ATP6V1C1: variants seen among roughly 807,000 people sequenced by gnomAD.
ATP6V1C1 encodes the protein ATPase H+ transporting V1 subunit C1.
ATP6V1C1 carries 45 observed loss-of-function variants against 53.9 expected under a neutral mutation model. That is an observed-to-expected ratio of 0.83 (90% CI 0.66 to 1.07). The LOEUF (loss-of-function observed/expected upper bound fraction) is 1.07, where lower values mean the gene tolerates loss of function less well. ATP6V1C1 is among the 50% of genes least tolerant of loss of function. ATP6V1C1 has a pLI of 0.00. For synonymous variants in ATP6V1C1, 153 were observed against 155.2 expected (o/e 0.99, Z 0.11); for missense variants, 315 against 440.3 (o/e 0.72, Z 2.55).
intron 3 of ATP6V1C1, among the ~76,000 whole-genome samples, chr8:103,045,984 T>C (rs77182139): frequency 1.3e-5 from 2 of 151,568 alleles, no homozygotes; most frequent in East Asian, 1.9e-4. Context: ...CTTTTTTTTT[T>C]AGTTGTCATC....
chr8:103,066,855 G>A (rs967142765), intron 12 of ATP6V1C1, among the ~76,000 whole-genome samples: 1 of 151,932 alleles, frequency 6.6e-6, no homozygotes, highest in South Asian at 2.1e-4. Context: ...CTAAAATGGC[G>A]TAGCTGGGCG....
chr8:103,060,167 T>A (rs1817372421), intron 8 of ATP6V1C1, among the ~76,000 whole-genome samples: 1 of 151,848 alleles, frequency 6.6e-6, no homozygotes, highest in Non-Finnish European at 1.5e-5. Context: ...GAGGTTTCAC[T>A]ATGTCGGCCA....
At chr8:103,061,527 C>A (rs1018083888) in intron 8 of ATP6V1C1, among the ~76,000 whole-genome samples, 1 of 152,122 alleles carries the variant, frequency 6.6e-6, no homozygotes, top group Non-Finnish European at 1.5e-5. Flanking sequence ...AGAAGTACCA[C>A]ATTGTAAAAC....
chr8:103,048,150 C>A (rs1817137547), intron 3 of ATP6V1C1, among the ~76,000 whole-genome samples: 1 of 152,160 alleles, frequency 6.6e-6, no homozygotes, highest in South Asian at 2.1e-4. Flanking sequence ...TTTGAATAAG[C>A]CACTTATTCT....
Position 103,063,138 on chromosome 8 carries a change from C to T in ATP6V1C1, c.738C>T (p.Phe246=), listed in dbSNP as rs1817432684. The T allele has an allele frequency of 6.2e-7, 1 of 1,612,508 alleles. No individual in the cohort carries two copies. The highest frequency in any genetic ancestry group is 8.5e-7 in the Non-Finnish European group (1 of 1,179,062). The change falls in exon 10 of 13, where the codon TTC becomes TTT. Residue 246 remains phenylalanine (F), a synonymous_variant. Transcript: ENST00000518738. ...GTTTTTTTTCCCCCAAATTTAGATTCATTGTTCGTGACTTCCAGTATAATG... is the reference window on the plus strand; with the variant it reads ...GTTTTTTTTCCCCCAAATTTAGATTTATTGTTCGTGACTTCCAGTATAATG... The part of the protein sequence containing the change: ...DFRHKARENK[F]IVRDFQYNEE...
intron 1 of ATP6V1C1, among the ~76,000 whole-genome samples, chr8:103,040,346 G>A (rs1192350712): frequency 1.3e-5 from 2 of 151,776 alleles, no homozygotes; most frequent in African/African-American, 2.4e-5. Flanking sequence ...CCTGGGAGGC[G>A]GAGGTTGCAG....
chr8:103,055,795 T>G, intron 7 of ATP6V1C1, 73 bp from the exon 8 acceptor site: 2 of 1,396,440 alleles, frequency 1.4e-6, no homozygotes, highest in Non-Finnish European at 2.0e-6. Flanking sequence ...TCTCATAATT[T>G]TTTCTCTTCC....
intron 1 of ATP6V1C1, among the ~76,000 whole-genome samples, chr8:103,022,848 G>GGAC (rs1299560269): frequency 2.0e-5 from 3 of 151,872 alleles, no homozygotes; most frequent in Admixed American, 2.0e-4. Context: ...CAGGAGTTCA[G>GGAC]GACCAGCCTG....
In ATP6V1C1 at chr8:103,053,986, A is replaced by AG; in HGVS notation, c.572+5dup. ...CATTACTGGTAGTAGTTCCCAAGTAAGTCTTTCTATTATAAAAGGTTTTAC... is the reference window on the plus strand; with the variant it reads ...CATTACTGGTAGTAGTTCCCAAGTAAGGTCTTTCTATTATAAAAGGTTTTAC... On this transcript the variant is annotated splice_donor_region_variant and intron_variant, in intron 7 of 12. Transcript: ENST00000518738. 6.3e-7 allele frequency: 1 copy of AG among 1,598,276 alleles called. No individual in the cohort carries two copies. The highest frequency in any genetic ancestry group is 8.5e-7 in the Non-Finnish European group (1 of 1,169,920).
At chr8:103,067,584 CT>C (rs1225695222) in intron 12 of ATP6V1C1, among the ~76,000 whole-genome samples, 1 of 143,576 alleles carries the variant, frequency 7.0e-6, no homozygotes. Flanking sequence ...ACTTGCTACA[CT>C]TTTTTTCTTT....
Position 103,066,465 on chromosome 8 carries a change from C to A in ATP6V1C1, c.1053+18C>A. 2 of 1,529,626 alleles carry A rather than the reference C, an allele frequency of 1.3e-6. No individual in the cohort carries two copies. The highest frequency in any genetic ancestry group is 1.3e-5 in the South Asian group (1 of 77,394). The allele number at this position is 1,529,626 out of a possible 1,614,324, so 94.8% of individuals were successfully genotyped here. A position where few individuals can be genotyped will look rare whatever the true frequency, so the allele number is the denominator to read the frequency against. ...TTATTGATGTAAGTACTTATTAGCCCAGTAGAGTAAGAATTGAAGTGAATT... is the reference window on the plus strand; with the variant it reads ...TTATTGATGTAAGTACTTATTAGCCAAGTAGAGTAAGAATTGAAGTGAATT... On this transcript the variant is annotated intron_variant, in intron 12 of 12. Transcript: ENST00000518738.
At chr8:103,055,771 A>T in intron 7 of ATP6V1C1, 97 bp from the exon 8 acceptor site, 5 of 1,152,482 alleles carry the variant, frequency 4.3e-6, no homozygotes, top group Non-Finnish European at 3.8e-6. Context: ...TACTATAGCC[A>T]GATTTCCTAT....
intron 3 of ATP6V1C1, among the ~76,000 whole-genome samples, chr8:103,047,831 C>T (rs1228847889): frequency 6.6e-6 from 1 of 152,254 alleles, no homozygotes; most frequent in Non-Finnish European, 1.5e-5. Flanking sequence ...TCGCCCTACT[C>T]ATGAGCCTTT....
intron 11 of ATP6V1C1, 37 bp from the exon 12 acceptor site, chr8:103,066,284 G>A: frequency 1.3e-6 from 2 of 1,573,372 alleles, no homozygotes; most frequent in Middle Eastern, 1.7e-4. Flanking sequence ...TTACATGTTT[G>A]CTTGTATTGC....
intron 7 of ATP6V1C1, among the ~76,000 whole-genome samples, chr8:103,054,576 G>C (rs1181066661): frequency 1.3e-5 from 2 of 152,034 alleles, no homozygotes; most frequent in Non-Finnish European, 2.9e-5. Context: ...GCTTGGCTAT[G>C]GGCATAGTTT....
chr8:103,052,752 G>T lies in ATP6V1C1; in HGVS notation c.403G>T (p.Asp135Tyr). 1.3e-6 allele frequency: 2 copies of T among 1,591,742 alleles called. No homozygotes were observed. Among genetic ancestry groups the T allele is most frequent in the South Asian group, 2.3e-5 (2 of 87,746 alleles). Reference protein sequence around the residue: ...IAKGVTQIDNDLKSRASAYNN... With the variant: ...IAKGVTQIDNYLKSRASAYNN... ...AAAGGGAGTAACTCAGATTGATAAT[G>T]ACCTGAAATCTCGAGCATCTGCATA... The change falls in exon 6 of 13, where the codon GAC becomes TAC. Residue 135 changes from aspartate (D) to tyrosine (Y), a missense_variant. Asp to Tyr is a radical substitution (Grantham distance 160). Coordinates refer to ENST00000518738, the MANE Select transcript of ATP6V1C1 (RefSeq NM_001695.5).
At chr8:103,051,275 C>T (rs913988772) in intron 5 of ATP6V1C1, 131 bp downstream of exon 5, 5 of 636,976 alleles carry the variant, frequency 7.8e-6, no homozygotes, top group South Asian at 4.3e-5. Context: ...GAAATCCTTA[C>T]AACTTAGACA....
intron 1 of ATP6V1C1, among the ~76,000 whole-genome samples, chr8:103,038,739 A>G (rs1816942211): frequency 6.6e-6 from 1 of 152,260 alleles, no homozygotes; most frequent in South Asian, 2.1e-4. Flanking sequence ...AGAATATGAT[A>G]GTATAATAGC....
At chr8:103,045,046 C>A (rs1446672755) in intron 3 of ATP6V1C1, among the ~76,000 whole-genome samples, 2 of 152,180 alleles carry the variant, frequency 1.3e-5, no homozygotes, top group African/African-American at 4.8e-5. Flanking sequence ...ACAGTTCCTT[C>A]AACTCTGGGG....
Sources: allele counts gnomAD v4.1 joint callset (sites outside exome capture counted in the v4.1 genomes callset), GRCh38; gene constraint gnomAD v4.1.1; transcripts MANE v1.5; gene names NCBI Gene and HGNC (gene_info 2026-07-23, HGNC 2026-07-21).